Variants in GABRG2 observed in about 807,000 individuals in gnomAD.
GABRG2 encodes gamma-aminobutyric acid type A receptor subunit gamma2, also known as gamma-aminobutyric acid receptor subunit gamma-2.
Under a neutral mutation model 56.4 loss-of-function variants are expected in GABRG2, and 16 were observed. That is an observed-to-expected ratio of 0.28 (90% CI 0.19 to 0.43). The LOEUF is 0.43. GABRG2 is among the 20% of genes least tolerant of loss of function. The pLI is 1.00. For synonymous variants in GABRG2, 208 were observed against 205.5 expected (o/e 1.01, Z -0.10); for missense variants, 327 against 582.7 (o/e 0.56, Z 4.52).
chr5:162,119,137 G>C (rs937528929), intron 6 of GABRG2, among the ~76,000 whole-genome samples: 19 of 152,050 alleles, frequency 1.2e-4, no homozygotes, highest in Admixed American at 3.9e-4. Flanking sequence ...TCCACACAGA[G>C]ATATAGAGAA....
chr5:162,086,926 C>T (rs1363641183), intron 1 of GABRG2, among the ~76,000 whole-genome samples: 2 of 151,744 alleles, frequency 1.3e-5, no homozygotes, highest in African/African-American at 2.4e-5. Flanking sequence ...TTTAAGTAGA[C>T]GTGTGAATGC....
At chr5:162,126,964 A>G (rs1399053536) in intron 6 of GABRG2, among the ~76,000 whole-genome samples, 2 of 151,996 alleles carry the variant, frequency 1.3e-5, no homozygotes, top group Non-Finnish European at 2.9e-5. Context: ...TCCCATAGTA[A>G]TTAATCATCC....
chr5:162,133,692 G>T (rs191453796), intron 6 of GABRG2, among the ~76,000 whole-genome samples: 3 of 152,058 alleles, frequency 2.0e-5, no homozygotes, highest in Admixed American at 2.0e-4. Context: ...ATTCCACATT[G>T]GGCTAGGCAT....
chr5:162,122,386 C>T (rs1763034082), intron 6 of GABRG2, among the ~76,000 whole-genome samples: 1 of 151,672 alleles, frequency 6.6e-6, no homozygotes, highest in African/African-American at 2.4e-5. Context: ...AATGAAAACA[C>T]ACATATACAA....
chr5:162,131,462 G>A (rs982112899), intron 6 of GABRG2, among the ~76,000 whole-genome samples: 2 of 151,844 alleles, frequency 1.3e-5, no homozygotes, highest in Admixed American at 1.3e-4. Context: ...CACTTTAAGA[G>A]TATTCCCAAC....
chr5:162,117,562 C>T (rs560545901), intron 6 of GABRG2, among the ~76,000 whole-genome samples: 7 of 152,190 alleles, frequency 4.6e-5, no homozygotes, highest in South Asian at 2.1e-4. Context: ...AATTGAGCTA[C>T]GATTTAACCT....
intron 6 of GABRG2, among the ~76,000 whole-genome samples, chr5:162,136,570 G>A (rs1452717901): frequency 6.6e-6 from 1 of 151,770 alleles, no homozygotes; most frequent in Non-Finnish European, 1.5e-5. Context: ...GAGAGATGAT[G>A]GCAGGAAGAA....
chr5:162,133,277 CT>C (rs768818477), intron 6 of GABRG2, among the ~76,000 whole-genome samples: 2 of 152,100 alleles, frequency 1.3e-5, no homozygotes, highest in Non-Finnish European at 2.9e-5. Flanking sequence ...TGACAAAACA[CT>C]TTGCCTACTA....
intron 6 of GABRG2, among the ~76,000 whole-genome samples, chr5:162,115,444 G>T (rs931821626): frequency 4.6e-5 from 7 of 152,102 alleles, no homozygotes; most frequent in Non-Finnish European, 4.4e-5. Context: ...TACTTTGTCT[G>T]TCCCGTGTGG....
At chr5:162,143,764 T>C (rs1489675326) in intron 7 of GABRG2, among the ~76,000 whole-genome samples, 2 of 152,178 alleles carry the variant, frequency 1.3e-5, no homozygotes, top group Non-Finnish European at 2.9e-5. Context: ...ACCTAACTTA[T>C]TGGGTTCTAC....
chr5:162,088,521 A>G lies in GABRG2; in HGVS notation c.108-5307A>G, dbSNP rs574584456. Among the ~76,000 whole-genome samples, 3 of 152,234 alleles carry G rather than the reference A, an allele frequency of 2.0e-5. No homozygotes were observed. The South Asian group carries it at 6.2e-4, about 32-fold the overall frequency. On this transcript the variant is annotated intron_variant, in intron 1 of 9. Coordinates refer to ENST00000639213, the MANE Select transcript of GABRG2 (RefSeq NM_198904.4). ...GGGAGATCAAATCATTTGTATCTGC[A>G]GTGGCAAGTTTATGAAACCTGAATG...
chr5:162,146,049 G>A (rs951090218), intron 7 of GABRG2, among the ~76,000 whole-genome samples: 1 of 151,188 alleles, frequency 6.6e-6, no homozygotes, highest in Non-Finnish European at 1.5e-5. Context: ...AATCTTTACT[G>A]GAGACTTATA....
At chr5:162,086,135 A>G (rs1477495833) in intron 1 of GABRG2, among the ~76,000 whole-genome samples, 1 of 152,030 alleles carries the variant, frequency 6.6e-6, no homozygotes, top group Admixed American at 6.6e-5. Context: ...CAGCACTTGA[A>G]GAGAGCAATG....
rs535370579 is a variant in GABRG2, at chr5:162,109,389, A to AATATATATATATATAT, written c.769+5382_769+5397dup. On this transcript the variant is annotated intron_variant, in intron 6 of 9. Coordinates refer to ENST00000639213, the MANE Select transcript of GABRG2 (RefSeq NM_198904.4). ...ACATGTACCCTAGAACTTAAAGTAT[A>AATATATATATATATAT]ATATATATATATATATATATATATA... Among the ~76,000 whole-genome samples the AATATATATATATATAT allele has an allele frequency of 2.3e-3, 263 of 116,098 alleles. 5 individuals carry two copies. Among genetic ancestry groups the AATATATATATATATAT allele is most frequent in the African/African-American group, 5.9e-3 (153 of 25,914 alleles). The allele number at this position is 116,098 out of a possible 152,430, so 76.2% of individuals were successfully genotyped here. A position where few individuals can be genotyped will look rare whatever the true frequency, so the allele number is the denominator to read the frequency against.
chr5:162,130,869 C>A (rs1429177429), intron 6 of GABRG2, among the ~76,000 whole-genome samples: 2 of 151,920 alleles, frequency 1.3e-5, no homozygotes, highest in African/African-American at 2.4e-5. Flanking sequence ...CTGGCTGACA[C>A]CCACTGAGTC....
At chr5:162,102,408 G>A (rs1302846866) in intron 5 of GABRG2, 1 of 423,310 alleles carries the variant, frequency 2.4e-6, no homozygotes, top group African/African-American at 2.0e-5. Flanking sequence ...CCATCAGGTG[G>A]CCAGTTGAAA....
chr5:162,130,055 G>C (rs951552458), intron 6 of GABRG2, among the ~76,000 whole-genome samples: 2 of 151,892 alleles, frequency 1.3e-5, no homozygotes, highest in South Asian at 4.1e-4. Flanking sequence ...CTTTTTCAGA[G>C]AAGTTGAGCT....
Position 162,154,295 on chromosome 5 carries a change from CA to C in GABRG2, c.*928del, listed in dbSNP as rs756746053. 7.2e-5 allele frequency: 11 copies of C among 152,082 alleles called. No homozygotes were observed. The highest frequency in any genetic ancestry group is 2.6e-4 in the Admixed American group (4 of 15,244). 9.4% of individuals were successfully genotyped at this position (152,082 alleles called of 1,614,324 possible). ...ATAGATCATAACAGAACTTATTCTC[CA>C]TCTCAAGATCTGCTTCTAGTGATTG... On this transcript the variant is annotated 3_prime_UTR_variant, in exon 10 of 10. Transcript: ENST00000639213.
chr5:162,107,381 T>C (rs926430537), intron 6 of GABRG2, among the ~76,000 whole-genome samples: 6 of 152,172 alleles, frequency 3.9e-5, no homozygotes, highest in African/African-American at 1.2e-4. Flanking sequence ...CCCTAGACTT[T>C]GAATATGTTG....
Sources: allele counts gnomAD v4.1 joint callset (sites outside exome capture counted in the v4.1 genomes callset), GRCh38; gene constraint gnomAD v4.1.1; transcripts MANE v1.5; gene names NCBI Gene and HGNC (gene_info 2026-07-23, HGNC 2026-07-21).